Variants in KIAA0319L observed in about 807,000 individuals in gnomAD.
The protein encoded by KIAA0319L is KIAA0319 like.
Under a neutral mutation model 120.1 loss-of-function variants are expected in KIAA0319L, and 55 were observed. The ratio of observed to expected loss-of-function variants is 0.46; its 90% confidence interval spans 0.37 to 0.57. KIAA0319L has a LOEUF of 0.57. Among genes scored for constraint, KIAA0319L ranks in the 20% least tolerant of loss-of-function variants. KIAA0319L has a pLI of 0.00. For synonymous variants in KIAA0319L, 398 were observed against 471.9 expected (o/e 0.84, Z 2.03); for missense variants, 1,049 against 1,255.3 (o/e 0.84, Z 2.48).
chr1:35,535,791 C>T (rs1391515439), intron 2 of KIAA0319L, among the ~76,000 whole-genome samples: 1 of 152,144 alleles, frequency 6.6e-6, no homozygotes, highest in Non-Finnish European at 1.5e-5. Context: ...ACATATACCT[C>T]TATCATAGCA....
chr1:35,457,903 G>A (rs1254528347), intron 9 of KIAA0319L, among the ~76,000 whole-genome samples: 1 of 152,140 alleles, frequency 6.6e-6, no homozygotes, highest in African/African-American at 2.4e-5. Flanking sequence ...TCTTTTCCTA[G>A]TTTCTCTGTT....
chr1:35,477,206 G>A (rs546271370), intron 4 of KIAA0319L, among the ~76,000 whole-genome samples: 1 of 152,042 alleles, frequency 6.6e-6, no homozygotes, highest in Non-Finnish European at 1.5e-5. Context: ...TTAATAACCA[G>A]AATATATAAA....
chr1:35,513,288 A>ATATATATATATATATATATATTT (rs1414704674), intron 2 of KIAA0319L, among the ~76,000 whole-genome samples: 2 of 85,338 alleles, frequency 2.3e-5, no homozygotes, highest in African/African-American at 8.5e-5. Flanking sequence ...ATATATATAT[A>ATATATATATATATATATATATTT]TTTTTTTTTT....
In KIAA0319L at chr1:35,462,160, G is replaced by C. The variant is rs114725049; in HGVS notation, c.1294+461C>G. Among the ~76,000 whole-genome samples, 1,168 of 152,282 alleles carry C rather than the reference G, an allele frequency of 7.7e-3. 14 individuals are homozygous for C. The highest frequency in any genetic ancestry group is 0.027 in the African/African-American group (1,121 of 41,562). On this transcript the variant is annotated intron_variant, in intron 8 of 20. Coordinates refer to ENST00000325722, the MANE Select transcript of KIAA0319L (RefSeq NM_024874.5). Reference sequence around the variant, plus strand: ...TAAGAAGCCCAGACCAGGGTGTGGAGTGCATTCTGTGAGTGTCTCCAGGAG... The same window carrying C: ...TAAGAAGCCCAGACCAGGGTGTGGACTGCATTCTGTGAGTGTCTCCAGGAG...
At chr1:35,467,045 T>G (rs1643310917) in intron 6 of KIAA0319L, among the ~76,000 whole-genome samples, 1 of 151,372 alleles carries the variant, frequency 6.6e-6, no homozygotes, top group Non-Finnish European at 1.5e-5. Context: ...TGAGCCGAGA[T>G]CATGTCACTG....
At chr1:35,455,573 A>ATTTTTT (rs551358599) in intron 10 of KIAA0319L, among the ~76,000 whole-genome samples, 79 of 93,442 alleles carry the variant, frequency 8.5e-4, no homozygotes, top group Non-Finnish European at 1.2e-3. Flanking sequence ...ATTTAAGATA[A>ATTTTTT]TTTTTTTTTT....
Position 35,451,657 on chromosome 1 carries a change from T to C in KIAA0319L, c.2033A>G (p.Gln678Arg). 1 of 1,614,116 alleles carries C rather than the reference T, an allele frequency of 6.2e-7. No homozygotes were observed. Among genetic ancestry groups the C allele is most frequent in the Non-Finnish European group, 8.5e-7 (1 of 1,179,980 alleles). ...TVKDERNLQS[Q>R]SSVNVIVKEE... ...TTTGACAATGACATTCACAGAGCTCTGGCTTTGCAGGTTCCTCTCATCTTT... is the reference window on the plus strand; with the variant it reads ...TTTGACAATGACATTCACAGAGCTCCGGCTTTGCAGGTTCCTCTCATCTTT... The change falls in exon 13 of 21, where the codon CAG becomes CGG. Residue 678 changes from glutamine to arginine, a missense_variant. Coordinates refer to ENST00000325722, the MANE Select transcript of KIAA0319L (RefSeq NM_024874.5).
intron 2 of KIAA0319L, among the ~76,000 whole-genome samples, chr1:35,511,621 G>A (rs908380878): frequency 2.0e-5 from 3 of 152,266 alleles, no homozygotes; most frequent in African/African-American, 7.2e-5. Context: ...GTCATCAAAT[G>A]TAGTGTGGTA....
chr1:35,434,703 C>T lies in KIAA0319L; in HGVS notation c.*191G>A. 1 of 573,094 alleles carries T rather than the reference C, an allele frequency of 1.7e-6. No individual in the cohort carries two copies. The highest frequency in any genetic ancestry group is 3.1e-6 in the Non-Finnish European group (1 of 326,152). The allele number at this position is 573,094 out of a possible 1,614,324, so 35.5% of individuals were successfully genotyped here. A position where few individuals can be genotyped will look rare whatever the true frequency, so the allele number is the denominator to read the frequency against. On this transcript the variant is annotated 3_prime_UTR_variant, in exon 21 of 21. Transcript: ENST00000325722. Reference sequence around the variant, plus strand: ...CACCAGACAGGTTTAAAGAGGAAACCTCTTCATTCACAGCTTCGTTGAGGG... The same window carrying T: ...CACCAGACAGGTTTAAAGAGGAAACTTCTTCATTCACAGCTTCGTTGAGGG...
At chr1:35,497,513 A>G (rs1644854880) in intron 3 of KIAA0319L, among the ~76,000 whole-genome samples, 1 of 152,214 alleles carries the variant, frequency 6.6e-6, no homozygotes, top group South Asian at 2.1e-4. Context: ...GAGTTGATAC[A>G]TATATTCGTT....
rs546422817 is a variant in KIAA0319L at position 35,453,306 on chromosome 1, C to A, written c.1913+251G>T. Among the ~76,000 whole-genome samples, 4 of 152,284 alleles carry A rather than the reference C, an allele frequency of 2.6e-5. No homozygotes were observed. The South Asian group carries it at 8.3e-4, about 32-fold the overall frequency. ...TCTGCATTTCAGCAGATGGATTGTA[C>A]CTGAAAAAGCACCAGGATCACACAG... On this transcript the variant is annotated intron_variant, in intron 12 of 20. Coordinates refer to ENST00000325722, the MANE Select transcript of KIAA0319L (RefSeq NM_024874.5). The surrounding 1 kb of genome is among the most constrained non-coding windows in gnomAD (Gnocchi z 4.1).
intron 7 of KIAA0319L, 103 bp downstream of exon 7, chr1:35,466,505 C>G: frequency 1.3e-6 from 1 of 741,748 alleles, no homozygotes; most frequent in East Asian, 2.5e-5. Context: ...TGAATAAATA[C>G]ATTACAAAAA....
intron 2 of KIAA0319L, among the ~76,000 whole-genome samples, chr1:35,516,289 C>T (rs1558557134): frequency 6.6e-6 from 1 of 152,270 alleles, no homozygotes; most frequent in East Asian, 1.9e-4. Flanking sequence ...CACATCAACA[C>T]AAAAATCCTC....
intron 7 of KIAA0319L, 117 bp from the exon 8 acceptor site, chr1:35,462,830 T>G: frequency 3.8e-6 from 3 of 781,056 alleles, no homozygotes; most frequent in Admixed American, 2.5e-5. Context: ...CTAGCCTTTT[T>G]GGCACCAGGG....
chr1:35,515,241 G>C (rs901863211), intron 2 of KIAA0319L, among the ~76,000 whole-genome samples: 14 of 151,844 alleles, frequency 9.2e-5, no homozygotes, highest in Admixed American at 3.3e-4. Flanking sequence ...GAACCTGGGA[G>C]GCAGAGGCTG....
intron 10 of KIAA0319L, 30 bp from the exon 11 acceptor site, chr1:35,454,515 T>A (rs754135217): frequency 3.7e-6 from 6 of 1,609,978 alleles, no homozygotes; most frequent in Middle Eastern, 1.7e-4. Flanking sequence ...AGTGGAAAAG[T>A]GGACTCCAGG....
chr1:35,494,532 C>T (rs896750358), intron 3 of KIAA0319L, among the ~76,000 whole-genome samples: 21 of 151,930 alleles, frequency 1.4e-4, no homozygotes, highest in Admixed American at 1.0e-3. Flanking sequence ...TGGTGGCTCA[C>T]GCCTATAATC....
At chr1:35,446,282 A>G (rs1558281041) in intron 16 of KIAA0319L, among the ~76,000 whole-genome samples, 1 of 151,962 alleles carries the variant, frequency 6.6e-6, no homozygotes. Context: ...TTTATTACCC[A>G]TCCCCTATCT....
intron 20 of KIAA0319L, among the ~76,000 whole-genome samples, chr1:35,436,043 C>T (rs1640763995): frequency 6.6e-6 from 1 of 152,120 alleles, no homozygotes; most frequent in African/African-American, 2.4e-5. Context: ...GAGGGGTGGA[C>T]ATCTTAGGGA....
Sources: allele counts gnomAD v4.1 joint callset (sites outside exome capture counted in the v4.1 genomes callset), GRCh38; gene constraint gnomAD v4.1.1; non-coding constraint Gnocchi (gnomAD v3.1); transcripts MANE v1.5; gene names NCBI Gene and HGNC (gene_info 2026-07-23, HGNC 2026-07-21).